IFT140: variants seen among roughly 807,000 people sequenced by gnomAD.
The protein encoded by IFT140 is intraflagellar transport protein 140 homolog.
A neutral mutation model predicts 164.6 loss-of-function variants in IFT140; 133 were observed. The observed-to-expected ratio is 0.81, with a 90% CI of 0.70 to 0.93. IFT140 has a LOEUF of 0.93. Ranked by LOEUF, IFT140 falls within the 40% of genes least tolerant of loss-of-function variation. The probability of loss-of-function intolerance (pLI) is 0.00; values close to 1 mark genes in which losing one functional copy is unlikely to be tolerated. For synonymous variants in IFT140, 860 were observed against 817.3 expected (o/e 1.05, Z -0.89); for missense variants, 2,045 against 1,972.3 (o/e 1.04, Z -0.70).
chr16:1,524,762 G>A (rs368150661), intron 23 of IFT140, 22 bp downstream of exon 23: 216 of 1,593,138 alleles, frequency 1.4e-4, no homozygotes, highest in Non-Finnish European at 1.7e-4. Context: ...CCGCCTGGCC[G>A]GCTCCCCTGC....
intron 4 of IFT140, among the ~76,000 whole-genome samples, chr16:1,596,628 C>A (rs2035478699): frequency 6.6e-6 from 1 of 152,208 alleles, no homozygotes; most frequent in African/African-American, 2.4e-5. Context: ...AAGAGCTCAA[C>A]TTCCACCAAC....
chr16:1,607,352 A>G lies in IFT140; in HGVS notation c.-31-55T>C, dbSNP rs1001805504. 1.1e-5 allele frequency: 15 copies of G among 1,374,856 alleles called. No homozygotes were observed. The Admixed American group carries it at 3.1e-4, about 28-fold the overall frequency. The allele number at this position is 1,374,856 out of a possible 1,614,324, so 85.2% of individuals were successfully genotyped here. The stretch of plus-strand genomic sequence containing the variant: ...ATCAGTTTTAAATAAAACAAACAAT[A>G]TGACTGTACATGGAATGACGAAAAG... On this transcript the variant is annotated intron_variant, in intron 2 of 30. Transcript: ENST00000426508.
At position 1,607,305 on chromosome 16, in the gene IFT140, G is replaced by A. The variant is rs1567435709; in HGVS notation, c.-31-8C>T. On this transcript the variant is annotated splice_region_variant and splice_polypyrimidine_tract_variant and intron_variant, in intron 2 of 30. Transcript: ENST00000426508. ...CCTCCTCAGCGCTGAAACCTGCAGG[G>A]AAAAAAAAATGACCAAGTCCAATCA... is the stretch of plus-strand genomic sequence containing the variant. 8.0e-6 allele frequency: 12 copies of A among 1,503,736 alleles called. No homozygotes were observed. Among genetic ancestry groups the A allele is most frequent in the Admixed American group, 6.3e-5 (3 of 47,894 alleles). 93.1% of individuals were successfully genotyped at this position (1,503,736 alleles called of 1,614,324 possible).
rs552927828 is a variant in IFT140 at position 1,540,436 on chromosome 16, C to G, written c.2400-13640G>C. ...GCCTGCCCCGTGCACGCGTGAACCT[C>G]GACAGCTTCCCCTGCTGGGCTGGCT... On this transcript the variant is annotated intron_variant, in intron 19 of 30. Transcript: ENST00000426508. Among the ~76,000 whole-genome samples the G allele has an allele frequency of 5.9e-5, 9 of 152,362 alleles. No individual in the cohort carries two copies. The South Asian group carries it at 1.9e-3, about 32-fold the overall frequency.
chr16:1,612,000 T>C lies in IFT140; in HGVS notation c.-254A>G, dbSNP rs959502050. ...GACGTGCTTCCACACTTCTCAGAAC[T>C]CAGGTTCGCGCCCGATTCCACACTC... On this transcript the variant is annotated 5_prime_UTR_variant, in exon 1 of 31. Transcript: ENST00000426508. 6 of 152,136 alleles carry C rather than the reference T, an allele frequency of 3.9e-5. No individual in the cohort carries two copies. Among genetic ancestry groups the C allele is most frequent in the African/African-American group, 1.4e-4 (6 of 41,418 alleles). The allele number at this position is 152,136 out of a possible 1,614,324, so 9.4% of individuals were successfully genotyped here.
Position 1,611,813 on chromosome 16 carries a change from C to G in IFT140, c.-222+155G>C, listed in dbSNP as rs1298167656. ...TGGGCGACAGAGCGAAACTCCGTCT[C>G]AAAAAAAAAAAAAAAGAAAGAAAGA... is the stretch of plus-strand genomic sequence containing the variant. On this transcript the variant is annotated intron_variant, in intron 1 of 30. Coordinates refer to ENST00000426508, the MANE Select transcript of IFT140 (RefSeq NM_014714.4). 3.7e-5 allele frequency among the ~76,000 whole-genome samples: 3 copies of G among 81,912 alleles called. No individual in the cohort carries two copies. The East Asian group carries it at 9.3e-4, about 25-fold the overall frequency. The allele number at this position is 81,912 out of a possible 152,430, so 53.7% of individuals were successfully genotyped here.
chr16:1,525,864 G>T, intron 21 of IFT140, 23 bp downstream of exon 21: 1 of 1,502,102 alleles, frequency 6.7e-7, no homozygotes, highest in South Asian at 1.3e-5. Context: ...AGGCAGGGAA[G>T]AGGCCGCGAG....
At chr16:1,589,939 G>C (rs532061968) in intron 6 of IFT140, among the ~76,000 whole-genome samples, 159 bp from the exon 7 acceptor site, 3 of 152,210 alleles carry the variant, frequency 2.0e-5, no homozygotes, top group African/African-American at 7.2e-5. Flanking sequence ...GCTCATGCCT[G>C]TAATCCCAGC....
intron 19 of IFT140, chr16:1,555,303 C>G (rs1596357331): frequency 2.2e-6 from 1 of 452,412 alleles, no homozygotes. Flanking sequence ...AAGCTGGAAG[C>G]TGAGACACAG....
rs1027374133 is a variant in IFT140 at position 1,553,064 on chromosome 16, G to A, written c.2399+4871C>T. 1.2e-5 allele frequency: 12 copies of A among 985,306 alleles called. No individual in the cohort carries two copies. The highest frequency in any genetic ancestry group is 9.6e-6 in the Non-Finnish European group (8 of 829,936). The allele number at this position is 985,306 out of a possible 1,614,324, so 61.0% of individuals were successfully genotyped here. A position where few individuals can be genotyped will look rare whatever the true frequency, so the allele number is the denominator to read the frequency against. On this transcript the variant is annotated intron_variant, in intron 19 of 30. Transcript: ENST00000426508. This position sits in a 1 kb window ranked among gnomAD's most constrained non-coding sequence, Gnocchi z 4.4. ...GAAACCAGTCACTGTCATTGTTCAG[G>A]ACAAAATGGAGATAGATAAATGCTT...
In IFT140 at chr16:1,531,056, G is replaced by A. The variant is rs1156763976; in HGVS notation, c.2400-4260C>T. On this transcript the variant is annotated intron_variant, in intron 19 of 30. Coordinates refer to ENST00000426508, the MANE Select transcript of IFT140 (RefSeq NM_014714.4). The surrounding 1 kb of genome is among the most constrained non-coding windows in gnomAD (Gnocchi z 4.7). Reference sequence around the variant, plus strand: ...TTCCACAGCCAGCCTCCTGCTCGAGGGCACCAGCCCCGCGTGATTCCCACA... The same window carrying A: ...TTCCACAGCCAGCCTCCTGCTCGAGAGCACCAGCCCCGCGTGATTCCCACA... 2 of 152,014 alleles carry A rather than the reference G, an allele frequency of 1.3e-5. No homozygotes were observed. The highest frequency in any genetic ancestry group is 2.9e-5 in the Non-Finnish European group (2 of 68,092). 9.4% of individuals were successfully genotyped at this position (152,014 alleles called of 1,614,324 possible).
In IFT140 at chr16:1,525,963, C is replaced by A. The variant is rs369457143; in HGVS notation, c.2692G>T (p.Val898Leu). Reference sequence around the variant, plus strand: ...CGGTGGTAGGTGCTGCGCAGGTGCACGCGATCGTGGTGCTCGGCTACCTGG... The same window carrying A: ...CGGTGGTAGGTGCTGCGCAGGTGCAAGCGATCGTGGTGCTCGGCTACCTGG... Reference protein sequence around the residue: ...ALQVAEHHDRVHLRSTYHRYA... With the variant: ...ALQVAEHHDRLHLRSTYHRYA... The change falls in exon 21 of 31, where the codon GTG becomes TTG. Residue 898 changes from valine (V) to leucine (L), a missense_variant. Transcript: ENST00000426508. 4 of 1,584,912 alleles carry A rather than the reference C, an allele frequency of 2.5e-6. No individual in the cohort carries two copies. The highest frequency in any genetic ancestry group is 1.3e-5 in the African/African-American group (1 of 74,428).
At chr16:1,524,521 G>A (rs1378713258) in intron 24 of IFT140, 31 bp downstream of exon 24, 3 of 1,608,488 alleles carry the variant, frequency 1.9e-6, no homozygotes, top group Non-Finnish European at 2.5e-6. Context: ...ACCTCGAGAA[G>A]CGCCGGCTCC....
intron 6 of IFT140, among the ~76,000 whole-genome samples, chr16:1,590,761 T>C (rs2035138595): frequency 6.6e-6 from 1 of 152,124 alleles, no homozygotes; most frequent in African/African-American, 2.4e-5. Context: ...AGTTCTTATT[T>C]TTATTATTAA....
At chr16:1,578,194 C>G (rs1044565973) in intron 13 of IFT140, 1 of 152,046 alleles carries the variant, frequency 6.6e-6, no homozygotes, top group Non-Finnish European at 1.5e-5. Context: ...GGGGCCCACC[C>G]GCTTCCGTCT....
intron 19 of IFT140, chr16:1,541,428 G>C (rs896175647): frequency 1.0e-6 from 1 of 985,292 alleles, no homozygotes; most frequent in Non-Finnish European, 1.2e-6. Context: ...TGAGCCGCTT[G>C]GGGGTCGGGC....
At chr16:1,535,231 C>T (rs962314216) in intron 19 of IFT140, among the ~76,000 whole-genome samples, 9 of 152,038 alleles carry the variant, frequency 5.9e-5, no homozygotes, top group South Asian at 2.1e-4. Context: ...GAGGCCAGGA[C>T]GCTCGGAAGG....
chr16:1,567,551 C>T (rs1389685729), intron 15 of IFT140, among the ~76,000 whole-genome samples: 1 of 152,254 alleles, frequency 6.6e-6, no homozygotes, highest in East Asian at 1.9e-4. Context: ...TGCCTCCTTC[C>T]CTGCTCATCC....
chr16:1,584,392 A>G lies in IFT140; in HGVS notation c.1184T>C (p.Val395Ala). 1.2e-6 allele frequency: 2 copies of G among 1,611,126 alleles called. No homozygotes were observed. The highest frequency in any genetic ancestry group is 1.7e-6 in the Non-Finnish European group (2 of 1,179,068). ...QWGSRKNLLAVNSVISVAILS... is the reference protein window; with the variant it reads ...QWGSRKNLLAANSVISVAILS... ...GATGGCCACGGAGATGACGCTGTTCACTGCCAGCAGGTTCTTCCTGGAACC... is the reference window on the plus strand; with the variant it reads ...GATGGCCACGGAGATGACGCTGTTCGCTGCCAGCAGGTTCTTCCTGGAACC... The change falls in exon 11 of 31, where the codon GTG (valine) becomes GCG (alanine). Residue 395 changes from valine (V) to alanine (A), a missense_variant. Coordinates refer to ENST00000426508, the MANE Select transcript of IFT140 (RefSeq NM_014714.4).
Sources: gnomAD v4.1 joint callset for allele counts (sites outside exome capture counted in the v4.1 genomes callset) on GRCh38, gnomAD v4.1.1 for gene constraint, Gnocchi (gnomAD v3.1) non-coding constraint, MANE v1.5 for transcripts, NCBI Gene and HGNC (gene_info 2026-07-23, HGNC 2026-07-21) for gene names.